Variants in PTPRM observed in about 807,000 individuals in gnomAD.
PTPRM encodes protein tyrosine phosphatase receptor type M.
In PTPRM, 47 loss-of-function variants were observed where a neutral mutation model predicts 186.7. The ratio of observed to expected loss-of-function variants is 0.25; its 90% CI spans 0.20 to 0.32. The LOEUF (loss-of-function observed/expected upper bound fraction) is 0.32, where lower values mean the gene tolerates loss of function less well. Among genes scored for constraint, PTPRM ranks in the 10% least tolerant of loss-of-function variants. PTPRM has a pLI of 1.00. For synonymous variants in PTPRM, 668 were observed against 674.9 expected (o/e 0.99, Z 0.16); for missense variants, 1,494 against 1,865.0 (o/e 0.80, Z 3.66).
intron 14 of PTPRM, among the ~76,000 whole-genome samples, chr18:8,177,616 T>A (rs2093504995): frequency 6.6e-6 from 1 of 152,216 alleles, no homozygotes; most frequent in Non-Finnish European, 1.5e-5. Flanking sequence ...GGGAGCAACC[T>A]CAATTCTTGC....
Position 7,955,140 on chromosome 18 carries a change from C to T in PTPRM, c.858C>T (p.Ala286=), listed in dbSNP as rs1236759599. 1.9e-6 allele frequency: 3 copies of T among 1,607,506 alleles called. No homozygotes were observed. Among genetic ancestry groups the T allele is most frequent in the Non-Finnish European group, 2.6e-6 (3 of 1,174,594 alleles). Residue 286 remains alanine, a synonymous_variant, in exon 7 of 33, where the codon GCC becomes GCT. Transcript: ENST00000580170. ...LVVKEPPVPI[A]PPQLASVGAT... is the part of the protein sequence containing the mutation. ...TTTCAGAACCACCCGTTCCTATTGC[C>T]CCACCTCAGCTCGCCTCTGTAGGAG...
At chr18:8,264,264 T>G (rs1422658826) in intron 19 of PTPRM, among the ~76,000 whole-genome samples, 1 of 152,198 alleles carries the variant, frequency 6.6e-6, no homozygotes, top group African/African-American at 2.4e-5. Flanking sequence ...TGTAGAATTA[T>G]TTACATGAGA....
At chr18:7,652,403 G>T (rs1202158969) in intron 1 of PTPRM, among the ~76,000 whole-genome samples, 1 of 152,064 alleles carries the variant, frequency 6.6e-6, no homozygotes, top group African/African-American at 2.4e-5. Flanking sequence ...CCATTACTGG[G>T]TATATACCCA....
chr18:7,635,599 A>T (rs1403892629), intron 1 of PTPRM, among the ~76,000 whole-genome samples: 1 of 151,298 alleles, frequency 6.6e-6, no homozygotes, highest in Non-Finnish European at 1.5e-5. Flanking sequence ...ATTGTAAAGG[A>T]TTAATAAATT....
rs145909333 is a variant in PTPRM, at chr18:7,938,203, G to A, written c.664-10978G>A. ...CACATTTAAAGACAAACTGTGCCCT[G>A]AGTGCATACTGACAATTCCTATGCA... is the stretch of plus-strand genomic sequence containing the variant. On this transcript the variant is annotated intron_variant, in intron 5 of 32. Coordinates refer to ENST00000580170, the MANE Select transcript of PTPRM (RefSeq NM_001105244.2). Among the ~76,000 whole-genome samples, 1,240 of 152,292 alleles carry A rather than the reference G, an allele frequency of 8.1e-3. 7 individuals carry two copies. The highest frequency in any genetic ancestry group is 0.033 in the South Asian group (158 of 4,824).
At chr18:8,265,647 A>T (rs1211829966) in intron 19 of PTPRM, among the ~76,000 whole-genome samples, 1 of 152,226 alleles carries the variant, frequency 6.6e-6, no homozygotes, top group Non-Finnish European at 1.5e-5. Flanking sequence ...TACAAAAAAT[A>T]ACCAGTTGAA....
intron 14 of PTPRM, among the ~76,000 whole-genome samples, chr18:8,202,702 G>A (rs1047009231): frequency 5.9e-5 from 9 of 151,726 alleles, no homozygotes; most frequent in East Asian, 3.9e-4. Context: ...TTACCTCATC[G>A]CAGCTTTTTA....
chr18:7,819,408 A>AAGATAGAAGCGGCTGGATGTTGAGG (rs1568175648), intron 2 of PTPRM, among the ~76,000 whole-genome samples: 3 of 152,192 alleles, frequency 2.0e-5, no homozygotes, highest in Non-Finnish European at 2.9e-5. Flanking sequence ...CTGGCAGAAG[A>AAGATAGAAGCGGCTGGATGTTGAGG]GCACACCGAC....
At chr18:8,052,355 C>G (rs1186096450) in intron 7 of PTPRM, among the ~76,000 whole-genome samples, 2 of 152,154 alleles carry the variant, frequency 1.3e-5, no homozygotes, top group Non-Finnish European at 2.9e-5. Flanking sequence ...ACCACATATA[C>G]CACTGTGGTC....
At chr18:8,250,838 C>A (rs1050049143) in intron 17 of PTPRM, among the ~76,000 whole-genome samples, 1 of 149,584 alleles carries the variant, frequency 6.7e-6, no homozygotes, top group Non-Finnish European at 1.5e-5. Flanking sequence ...AATTTTTAAA[C>A]ACATAAAGGA....
chr18:8,124,281 G>T (rs1055805560), intron 13 of PTPRM, among the ~76,000 whole-genome samples: 1 of 152,072 alleles, frequency 6.6e-6, no homozygotes, highest in Non-Finnish European at 1.5e-5. Flanking sequence ...TTTTAATGAT[G>T]GTTAGTCTTA....
At chr18:7,841,107 G>A (rs1306255355) in intron 2 of PTPRM, among the ~76,000 whole-genome samples, 1 of 152,052 alleles carries the variant, frequency 6.6e-6, no homozygotes, top group Non-Finnish European at 1.5e-5. Flanking sequence ...TAGCCATGTT[G>A]AGCCCATGGT....
At chr18:8,147,889 CTA>C (rs1816484139) in intron 14 of PTPRM, among the ~76,000 whole-genome samples, 1 of 152,108 alleles carries the variant, frequency 6.6e-6, no homozygotes, top group Non-Finnish European at 1.5e-5. Flanking sequence ...TTTTCTGCAT[CTA>C]TTGAGATAAT....
chr18:8,328,261 GA>G (rs2095390569), intron 22 of PTPRM, among the ~76,000 whole-genome samples: 2 of 152,238 alleles, frequency 1.3e-5, no homozygotes, highest in Admixed American at 6.5e-5. Flanking sequence ...TCCGGTAGTG[GA>G]GGGTTCTCAG....
At chr18:8,315,071 A>C (rs2095298909) in intron 21 of PTPRM, among the ~76,000 whole-genome samples, 1 of 152,188 alleles carries the variant, frequency 6.6e-6, no homozygotes, top group Non-Finnish European at 1.5e-5. Context: ...CATGAATATT[A>C]CCCTGCACAC....
intron 14 of PTPRM, among the ~76,000 whole-genome samples, chr18:8,169,452 G>A (rs780406417): frequency 8.6e-5 from 13 of 151,952 alleles, no homozygotes; most frequent in Non-Finnish European, 1.6e-4. Context: ...AAAAGTAATA[G>A]GTCTACTTCC....
chr18:8,225,752 G>C (rs1246901916), intron 14 of PTPRM, among the ~76,000 whole-genome samples: 1 of 152,150 alleles, frequency 6.6e-6, no homozygotes, highest in East Asian at 1.9e-4. Flanking sequence ...CCTCAGGGTA[G>C]GGAACGTCCT....
intron 2 of PTPRM, among the ~76,000 whole-genome samples, chr18:7,834,233 G>A (rs562871962): frequency 1.7e-4 from 26 of 151,624 alleles, no homozygotes; most frequent in African/African-American, 4.4e-4. Context: ...GTATCACATC[G>A]ATTTTCATAT....
intron 9 of PTPRM, among the ~76,000 whole-genome samples, chr18:8,077,477 CT>C (rs1191270214): frequency 5.9e-5 from 9 of 151,990 alleles, no homozygotes; most frequent in Admixed American, 2.0e-4. Context: ...TAATTCAAAG[CT>C]AAGCGAAGAA....
Sources: allele counts gnomAD v4.1 joint callset (sites outside exome capture counted in the v4.1 genomes callset), GRCh38; gene constraint gnomAD v4.1.1; transcripts MANE v1.5; gene names NCBI Gene and HGNC (gene_info 2026-07-23, HGNC 2026-07-21).